TENM1: variants seen among roughly 807,000 people sequenced by gnomAD.
TENM1 encodes teneurin-1.
Under a neutral mutation model 174.8 loss-of-function variants are expected in TENM1, and 35 were observed. That is an observed-to-expected ratio of 0.20 (90% CI 0.15 to 0.27). The LOEUF is 0.27. Ranked by LOEUF, TENM1 falls within the 10% of genes least tolerant of loss-of-function variation. The pLI is 1.00. For synonymous variants in TENM1, 781 were observed against 798.7 expected (o/e 0.98, Z 0.37); for missense variants, 1,633 against 2,130.1 (o/e 0.77, Z 4.59).
chrX:125,064,141 C>A, the TENM1 span, among the ~76,000 whole-genome samples: 8 of 103,068 alleles, frequency 7.8e-5, no homozygotes, highest in African/African-American at 2.5e-4. Flanking sequence ...AGGGGGACAT[C>A]ACACACCGGG....
intron 15 of TENM1, among the ~76,000 whole-genome samples, chrX:124,538,662 T>C (rs1211988387): frequency 9.0e-6 from 1 of 111,493 alleles, no homozygotes; most frequent in East Asian, 2.8e-4. Context: ...CTTTAACAAA[T>C]AGATTCATGA....
At chrX:124,829,508 A>G (rs1022494964) in intron 3 of TENM1, among the ~76,000 whole-genome samples, 1 of 111,829 alleles carries the variant, frequency 8.9e-6, no homozygotes, top group Non-Finnish European at 1.9e-5. Flanking sequence ...AGAGGGTCAC[A>G]CCCTATTTTT....
the TENM1 span, among the ~76,000 whole-genome samples, chrX:125,149,875 G>A: frequency 9.0e-6 from 1 of 111,720 alleles, no homozygotes; most frequent in African/African-American, 3.3e-5. Flanking sequence ...TAACCACAAT[G>A]TGTATCTGTT....
intron 1 of TENM1, among the ~76,000 whole-genome samples, chrX:124,944,614 C>T (rs997984111): frequency 9.1e-6 from 1 of 109,470 alleles, no homozygotes; most frequent in East Asian, 2.9e-4. Flanking sequence ...GTTTGCTTTA[C>T]TTAAATAAAT....
chrX:125,038,019 T>A, the TENM1 span, among the ~76,000 whole-genome samples: 1 of 111,607 alleles, frequency 9.0e-6, no homozygotes, highest in South Asian at 3.7e-4. Flanking sequence ...AGCAAGACTG[T>A]CAGTAAAATA....
intron 3 of TENM1, among the ~76,000 whole-genome samples, chrX:124,739,841 A>G (rs1028876030): frequency 8.9e-6 from 1 of 112,281 alleles, no homozygotes; most frequent in African/African-American, 3.2e-5. Context: ...CAAGATCTCT[A>G]AAATCTTTTG....
chrX:124,951,738 AG>A (rs2058492126), intron 1 of TENM1, among the ~76,000 whole-genome samples: 1 of 104,381 alleles, frequency 9.6e-6, no homozygotes, highest in African/African-American at 3.4e-5. Flanking sequence ...ATTTACCAAA[AG>A]AAAGTGCTGT....
At chrX:124,914,685 A>G (rs939779125) in intron 1 of TENM1, among the ~76,000 whole-genome samples, 2 of 111,214 alleles carry the variant, frequency 1.8e-5, no homozygotes, top group Non-Finnish European at 3.8e-5. Context: ...TTATCTTCTA[A>G]TTATATCTTG....
rs149814774 is a variant in TENM1, at chrX:124,480,548, T to C, written c.3949+1184A>G. Reference sequence around the variant, plus strand: ...CAGGTTACAGAACAGCGTTGTATAATATGATTCTACTGTTACAGAATTAAA... The same window carrying C: ...CAGGTTACAGAACAGCGTTGTATAACATGATTCTACTGTTACAGAATTAAA... On this transcript the variant is annotated intron_variant, in intron 22 of 31. Coordinates refer to ENST00000422452, the Ensembl canonical transcript of TENM1. Among the ~76,000 whole-genome samples the C allele has an allele frequency of 1.6e-3, 178 of 112,492 alleles. 1 individual carries two copies. The highest frequency in any genetic ancestry group is 5.2e-3 in the African/African-American group (162 of 31,070).
chrX:124,712,245 T>C (rs150844679), intron 4 of TENM1, among the ~76,000 whole-genome samples: 2 of 111,583 alleles, frequency 1.8e-5, no homozygotes, highest in African/African-American at 6.5e-5. Context: ...TAGTTCTATT[T>C]TTACTTTTCG....
At chrX:124,561,852 C>T (rs2048826453) in intron 13 of TENM1, 35 bp from the exon 17 acceptor site, 3 of 1,192,730 alleles carry the variant, frequency 2.5e-6, no homozygotes, top group South Asian at 3.6e-5. Context: ...ATCACAGAGA[C>T]ATCAGAATGG....
intron 18 of TENM1, among the ~76,000 whole-genome samples, chrX:124,513,050 G>A (rs941847211): frequency 2.1e-4 from 23 of 111,630 alleles, no homozygotes; most frequent in African/African-American, 7.5e-4. Context: ...TCCAATGTCT[G>A]CTGTAACAAA....
intron 20 of TENM1, among the ~76,000 whole-genome samples, chrX:124,488,289 T>A (rs1271240996): frequency 8.9e-6 from 1 of 112,625 alleles, no homozygotes; most frequent in Non-Finnish European, 1.9e-5. Flanking sequence ...AATCTGGCCC[T>A]ATGTCATTTT....
At chrX:124,998,045 T>C in the TENM1 span, among the ~76,000 whole-genome samples, 1 of 105,345 alleles carries the variant, frequency 9.5e-6, no homozygotes, top group Non-Finnish European at 1.9e-5. Flanking sequence ...TTCCGCATTA[T>C]GGCCTATCAG....
At chrX:124,747,296 A>C (rs2053944125) in intron 3 of TENM1, among the ~76,000 whole-genome samples, 1 of 109,867 alleles carries the variant, frequency 9.1e-6, no homozygotes, top group African/African-American at 3.3e-5. Context: ...TAATGTATAG[A>C]TGCCTTCAGA....
At chrX:125,168,687 G>A in the TENM1 span, among the ~76,000 whole-genome samples, 4 of 110,607 alleles carry the variant, frequency 3.6e-5, no homozygotes, top group East Asian at 2.9e-4. Flanking sequence ...AGAGACTATC[G>A]GTCTCAATTA....
chrX:124,467,310 C>T (rs2061251102), intron 22 of TENM1, among the ~76,000 whole-genome samples: 3 of 111,779 alleles, frequency 2.7e-5, no homozygotes, highest in African/African-American at 9.8e-5. Flanking sequence ...AGTTATTAAG[C>T]CTGTGATTCC....
intron 3 of TENM1, among the ~76,000 whole-genome samples, chrX:124,749,109 A>T (rs1219136228): frequency 9.0e-6 from 1 of 111,283 alleles, no homozygotes; most frequent in Non-Finnish European, 1.9e-5. Context: ...ATTTTCTTCT[A>T]AAAGTTCTAA....
At chrX:124,469,614 A>G (rs746441256) in intron 22 of TENM1, among the ~76,000 whole-genome samples, 2 of 111,772 alleles carry the variant, frequency 1.8e-5, no homozygotes, top group East Asian at 5.6e-4. Flanking sequence ...AATATATTAT[A>G]TCTTTACGAC....
Sources: allele counts gnomAD v4.1 joint callset (sites outside exome capture counted in the v4.1 genomes callset), GRCh38; gene constraint gnomAD v4.1.1; transcripts MANE v1.5; gene names NCBI Gene and HGNC (gene_info 2026-07-23, HGNC 2026-07-21).